The following NGRN variants were observed in gnomAD, a reference collection of about 807,000 sequenced individuals.
NGRN encodes the protein neugrin, neurite outgrowth associated.
Under a neutral mutation model 13.1 loss-of-function variants are expected in NGRN, and 12 were observed. The observed-to-expected ratio is 0.92, with a 90% CI of 0.59 to 1.49. NGRN has a LOEUF of 1.49. Among genes scored for constraint, NGRN ranks in the 40% most tolerant of loss-of-function variants. The pLI, the probability that NGRN is intolerant of heterozygous loss-of-function variation, is 0.00. For missense variants in NGRN, 397 were observed against 357.0 expected (o/e 1.11, Z -0.90); for synonymous variants, 149 against 145.8 (o/e 1.02, Z -0.16).
chr15:90,268,287 G>A (rs1963457202), intron 2 of NGRN, among the ~76,000 whole-genome samples: 1 of 151,970 alleles, frequency 6.6e-6, no homozygotes, highest in South Asian at 2.1e-4. Context: ...ACAGGCATGA[G>A]CCACCATGCC....
In NGRN at chr15:90,269,702, A is replaced by G. The variant is rs751134758; in HGVS notation, c.276-1486A>G. ...TTTTTTTCCTGAAATCTAAAGGCATATATTCAACTGTGTACCAGACATCTC... is the reference window on the plus strand; with the variant it reads ...TTTTTTTCCTGAAATCTAAAGGCATGTATTCAACTGTGTACCAGACATCTC... On this transcript the variant is annotated intron_variant, in intron 2 of 2. Coordinates refer to ENST00000379095, the MANE Select transcript of NGRN (RefSeq NM_001033088.3). 4.6e-5 allele frequency among the ~76,000 whole-genome samples: 7 copies of G among 152,154 alleles called. No individual in the cohort carries two copies. In the South Asian group the frequency reaches 6.2e-4, roughly 13 times the overall value.
chr15:90,266,872 A>G (rs913400442), intron 2 of NGRN, among the ~76,000 whole-genome samples: 2 of 152,160 alleles, frequency 1.3e-5, no homozygotes, highest in Non-Finnish European at 2.9e-5. Context: ...AGGTAGGTGC[A>G]TTTTTCTGAA....
chr15:90,266,288 C>T lies in NGRN; in HGVS notation c.165C>T (p.Ser55=), dbSNP rs1376655970. 62 of 1,612,654 alleles carry T rather than the reference C, an allele frequency of 3.8e-5. No individual in the cohort carries two copies. The highest frequency in any genetic ancestry group is 5.2e-5 in the Non-Finnish European group (61 of 1,179,454). The change falls in exon 2 of 3, where the codon AGC becomes AGT. Residue 55 remains serine, a splice_region_variant and synonymous_variant. Coordinates refer to ENST00000379095, the MANE Select transcript of NGRN (RefSeq NM_001033088.3). ...PEERELQEVE[S]TLKRQKQAIR... ...TCTGCCATTGGTTCTCTTCCCCCAG[C>T]ACCCTGAAACGACAGAAACAAGCAA...
At chr15:90,267,674 G>A (rs949659758) in intron 2 of NGRN, among the ~76,000 whole-genome samples, 3 of 152,050 alleles carry the variant, frequency 2.0e-5, no homozygotes, top group Non-Finnish European at 4.4e-5. Flanking sequence ...TTTATTGTGG[G>A]CATTTAGTTG....
At position 90,265,878 on chromosome 15, in the gene NGRN, T is replaced by TA; in HGVS notation, c.164+3dup. On this transcript the variant is annotated splice_region_variant and intron_variant, in intron 1 of 2. Transcript: ENST00000379095. Reference sequence around the variant, plus strand: ...ACGGGAGCTGCAGGAGGTGGAGAGGTACCGGCTTCTCCCCGGGCCCTCAGC... The same window carrying TA: ...ACGGGAGCTGCAGGAGGTGGAGAGGTAACCGGCTTCTCCCCGGGCCCTCAGC... 6.4e-7 allele frequency: 1 copy of TA among 1,567,940 alleles called. No individual in the cohort carries two copies. Among genetic ancestry groups the TA allele is most frequent in the African/African-American group, 1.4e-5 (1 of 73,138 alleles).
chr15:90,269,960 TTGACTGTCTCACTCGAGA>T (rs1963481452), intron 2 of NGRN, among the ~76,000 whole-genome samples: 1 of 152,258 alleles, frequency 6.6e-6, no homozygotes, highest in Admixed American at 6.5e-5. Context: ...CTATGCTCCA[TTGACTGTCTCACTCGAGA>T]CTATCTGGAT....
intron 1 of NGRN, 190 bp from the exon 2 acceptor site, chr15:90,266,098 G>T: frequency 7.0e-7 from 1 of 1,435,092 alleles, no homozygotes; most frequent in South Asian, 1.5e-5. Flanking sequence ...AGTTCGGCAT[G>T]CTTACAGGCA....
rs1392062026 is a variant in NGRN, at chr15:90,271,924, G to A, written c.*136G>A. On this transcript the variant is annotated 3_prime_UTR_variant, in exon 3 of 3. Transcript: ENST00000379095. ...AGGTGTTGAGCCTGGACTGTGGGAG[G>A]AAAGAGCTGCGTGGATAGATTCAAA... 3 of 1,233,170 alleles carry A rather than the reference G, an allele frequency of 2.4e-6. No homozygotes were observed. The highest frequency in any genetic ancestry group is 3.4e-6 in the Non-Finnish European group (3 of 894,606). The allele number at this position is 1,233,170 out of a possible 1,614,324, so 76.4% of individuals were successfully genotyped here. A position where few individuals can be genotyped will look rare whatever the true frequency, so the allele number is the denominator to read the frequency against.
At position 90,271,618 on chromosome 15, in the gene NGRN, A is replaced by T; in HGVS notation, c.706A>T (p.Lys236Ter). Reference protein sequence around the residue: ...APLGHPRELQKYSSDSESPRG... With the variant: ...APLGHPRELQ Reference sequence around the variant, plus strand: ...CCTAGGTCATCCAAGAGAGCTGCAGAAGTACTCCAGTGATTCTGAGAGCCC... The same window carrying T: ...CCTAGGTCATCCAAGAGAGCTGCAGTAGTACTCCAGTGATTCTGAGAGCCC... Residue 236 changes from lysine (K) to a stop codon, truncating the protein, a stop_gained, in exon 3 of 3, where the codon AAG (lysine) becomes TAG (stop). Transcript: ENST00000379095. LOFTEE classifies it low-confidence loss of function (END_TRUNC). The T allele has an allele frequency of 6.2e-7, 1 of 1,614,196 alleles. No homozygotes were observed. The highest frequency in any genetic ancestry group is 8.5e-7 in the Non-Finnish European group (1 of 1,180,040).
intron 1 of NGRN, 158 bp from the exon 2 acceptor site, chr15:90,266,130 T>C: frequency 6.9e-7 from 1 of 1,449,758 alleles, no homozygotes; most frequent in Non-Finnish European, 9.1e-7. Flanking sequence ...AGGTGTTAGC[T>C]TTCTGGGTGT....
Position 90,271,242 on chromosome 15 carries a change from C to A in NGRN, c.330C>A (p.Gly110=), listed in dbSNP as rs1470623371. The change falls in exon 3 of 3, where the codon GGC becomes GGA. Residue 110 remains glycine, a synonymous_variant. Coordinates refer to ENST00000379095, the MANE Select transcript of NGRN (RefSeq NM_001033088.3). ...GGTCAGTTCCCAGGTTGGCTGAAGGCTTTGATGTCAGCACTGATGTGATCC... is the reference window on the plus strand; with the variant it reads ...GGTCAGTTCCCAGGTTGGCTGAAGGATTTGATGTCAGCACTGATGTGATCC... ...ESWSVPRLAE[G]FDVSTDVIRR... 1.2e-6 allele frequency: 2 copies of A among 1,614,158 alleles called. No individual in the cohort carries two copies. The highest frequency in any genetic ancestry group is 1.7e-6 in the Non-Finnish European group (2 of 1,180,020).
rs1963510237 is a variant in NGRN, at chr15:90,271,814, C to T, written c.*26C>T. ...GTCGGGGCTTGGCTTATGGAGATGC[C>T]TCGTGAAACACAGCTGGGCAAGTAT... On this transcript the variant is annotated 3_prime_UTR_variant, in exon 3 of 3. Coordinates refer to ENST00000379095, the MANE Select transcript of NGRN (RefSeq NM_001033088.3). The T allele has an allele frequency of 1.9e-6, 3 of 1,608,064 alleles. No individual in the cohort carries two copies. Among genetic ancestry groups the T allele is most frequent in the Non-Finnish European group, 2.6e-6 (3 of 1,176,098 alleles).
At chr15:90,268,829 C>CATGTTGCCCA (rs1963464257) in intron 2 of NGRN, among the ~76,000 whole-genome samples, 1 of 150,986 alleles carries the variant, frequency 6.6e-6, no homozygotes, top group Admixed American at 6.6e-5. Flanking sequence ...AGGATTTTGC[C>CATGTTGCCCA]ATGTTGCCCA....
At chr15:90,266,026 G>A in intron 1 of NGRN, 150 bp downstream of exon 1, 1 of 1,394,942 alleles carries the variant, frequency 7.2e-7, no homozygotes, top group Non-Finnish European at 9.2e-7. Context: ...AGCGTCAGGT[G>A]TTCAGCTCCC....
chr15:90,271,544 A>G lies in NGRN; in HGVS notation c.632A>G (p.Asn211Ser), dbSNP rs757559649. ...TNTPRRRKGRNKEIQDLEESF... is the reference protein window; with the variant it reads ...TNTPRRRKGRSKEIQDLEESF... ...ACACCAAGGAGAAGGAAGGGAAGAAATAAAGAAATCCAGGACCTGGAGGAG... is the reference window on the plus strand; with the variant it reads ...ACACCAAGGAGAAGGAAGGGAAGAAGTAAAGAAATCCAGGACCTGGAGGAG... Residue 211 changes from asparagine (N) to serine (S), a missense_variant, in exon 3 of 3, where the codon AAT becomes AGT. Coordinates refer to ENST00000379095, the MANE Select transcript of NGRN (RefSeq NM_001033088.3). 5.6e-6 allele frequency: 9 copies of G among 1,614,136 alleles called. No homozygotes were observed. The South Asian group carries it at 9.9e-5, about 18-fold the overall frequency.
In NGRN at chr15:90,271,602, T is replaced by C; in HGVS notation, c.690T>C (p.His230=). 1 of 1,614,084 alleles carries C rather than the reference T, an allele frequency of 6.2e-7. No individual in the cohort carries two copies. Among genetic ancestry groups the C allele is most frequent in the South Asian group, 1.1e-5 (1 of 91,082 alleles). The part of the protein sequence containing the change: ...SFVPVAAPLG[H]PRELQKYSSD... ...TGCCTGTTGCTGCACCCCTAGGTCA[T>C]CCAAGAGAGCTGCAGAAGTACTCCA... is the stretch of plus-strand genomic sequence containing the variant. Residue 230 remains histidine (H), a synonymous_variant, in exon 3 of 3, where the codon CAT becomes CAC. Coordinates refer to ENST00000379095, the MANE Select transcript of NGRN (RefSeq NM_001033088.3).
chr15:90,271,665 G>A lies in NGRN; in HGVS notation c.753G>A (p.Ala251=), dbSNP rs762231932. 9.3e-6 allele frequency: 15 copies of A among 1,614,208 alleles called. No individual in the cohort carries two copies. Among genetic ancestry groups the A allele is most frequent in the South Asian group, 7.7e-5 (7 of 91,084 alleles). Residue 251 remains alanine (A), a synonymous_variant, in exon 3 of 3, where the codon GCG becomes GCA. Transcript: ENST00000379095. ...GCCCCAGAGGAACTGGCAGTGGTGC[G>A]TTGCCAAGTGGTCAGAAGCTGGAGG... ...SESPRGTGSG[A]LPSGQKLEEL... is the part of the protein sequence containing the mutation.
intron 2 of NGRN, 32 bp downstream of exon 2, chr15:90,266,430 T>C (rs1373979693): frequency 1.9e-6 from 3 of 1,558,424 alleles, no homozygotes; most frequent in Non-Finnish European, 2.6e-6. Context: ...TTGTATCCGC[T>C]GTGATGAGAA....
Position 90,266,399 on chromosome 15 carries a change from G to A in NGRN, c.275+1G>A, listed in dbSNP as rs1286407410. 2 of 1,611,162 alleles carry A rather than the reference G, an allele frequency of 1.2e-6. No individual in the cohort carries two copies. Among genetic ancestry groups the A allele is most frequent in the African/African-American group, 1.3e-5 (1 of 74,874 alleles). On this transcript the variant is annotated splice_donor_variant, in intron 2 of 2. Transcript: ENST00000379095. LOFTEE classifies it high-confidence loss of function. The stretch of plus-strand genomic sequence containing the variant: ...CGTGGGAAGCCATGGAGCAGATACG[G>A]TGAGACTCAGGATACCTTGTTTGTA...
Sources: allele counts gnomAD v4.1 joint callset (sites outside exome capture counted in the v4.1 genomes callset), GRCh38; gene constraint gnomAD v4.1.1; transcripts MANE v1.5; gene names NCBI Gene and HGNC (gene_info 2026-07-23, HGNC 2026-07-21).